TMTC1: variants seen among roughly 807,000 people sequenced by gnomAD.
TMTC1 encodes the protein protein O-mannosyl-transferase TMTC1.
In TMTC1, 73 loss-of-function variants were observed where a neutral mutation model predicts 104.8. The ratio of observed to expected loss-of-function variants is 0.70; its 90% confidence interval spans 0.58 to 0.85. The LOEUF is 0.85. TMTC1 is among the 40% of genes least tolerant of loss of function. TMTC1 has a pLI of 0.00. For missense variants in TMTC1, 1,035 were observed against 1,096.1 expected (o/e 0.94, Z 0.79); for synonymous variants, 434 against 428.7 (o/e 1.01, Z -0.15).
intron 9 of TMTC1, among the ~76,000 whole-genome samples, chr12:29,563,888 CAG>C (rs1278350796): frequency 6.6e-6 from 1 of 152,126 alleles, no homozygotes. Flanking sequence ...GGAGAGCAGA[CAG>C]AGCAGTAAAG....
chr12:29,599,337 A>G (rs1029528290), intron 7 of TMTC1, among the ~76,000 whole-genome samples: 1 of 152,214 alleles, frequency 6.6e-6, no homozygotes, highest in Non-Finnish European at 1.5e-5. Context: ...TGGCTTTGTC[A>G]CCAGAAGAAA....
At chr12:29,712,891 C>T (rs7980715) in intron 5 of TMTC1, among the ~76,000 whole-genome samples, 3,907 of 152,140 alleles carry the variant, frequency 0.026, 171 homozygotes, top group African/African-American at 0.088. Flanking sequence ...TTATCCATTG[C>T]GATAGTTAAT....
intron 5 of TMTC1, among the ~76,000 whole-genome samples, chr12:29,705,910 C>T (rs968553501): frequency 2.0e-5 from 3 of 151,946 alleles, no homozygotes; most frequent in Non-Finnish European, 2.9e-5. Flanking sequence ...TACATTATGT[C>T]TAATTCCCAA....
chr12:29,779,102 G>C (rs1398620898), intron 1 of TMTC1, among the ~76,000 whole-genome samples: 1 of 152,202 alleles, frequency 6.6e-6, no homozygotes. Flanking sequence ...ATGATTCCAA[G>C]TAGCTGAAAG....
intron 5 of TMTC1, chr12:29,640,568 G>A (rs761796480): frequency 1.3e-5 from 2 of 152,194 alleles, no homozygotes; most frequent in Non-Finnish European, 2.9e-5. Flanking sequence ...ACCTGGAGCT[G>A]AGTCAATTTG....
At chr12:29,578,085 A>G (rs1261962205) in intron 8 of TMTC1, among the ~76,000 whole-genome samples, 1 of 151,956 alleles carries the variant, frequency 6.6e-6, no homozygotes, top group Non-Finnish European at 1.5e-5. Flanking sequence ...AGTAATTCTA[A>G]TTTATGTCCC....
At chr12:29,689,260 G>GTT (rs35349904) in intron 5 of TMTC1, among the ~76,000 whole-genome samples, 6 of 146,762 alleles carry the variant, frequency 4.1e-5, no homozygotes, top group African/African-American at 1.5e-4. Flanking sequence ...TAAGCCACTG[G>GTT]TTTTTTTTTT....
At chr12:29,706,519 T>A (rs1941749194) in intron 5 of TMTC1, among the ~76,000 whole-genome samples, 1 of 152,112 alleles carries the variant, frequency 6.6e-6, no homozygotes, top group Non-Finnish European at 1.5e-5. Flanking sequence ...AGCATCAGGA[T>A]TCAGTCGGGA....
At chr12:29,675,046 T>A (rs779413158) in intron 5 of TMTC1, among the ~76,000 whole-genome samples, 1 of 152,238 alleles carries the variant, frequency 6.6e-6, no homozygotes, top group African/African-American at 2.4e-5. Flanking sequence ...CCGGACCATG[T>A]GCAAAGTAAC....
intron 7 of TMTC1, among the ~76,000 whole-genome samples, chr12:29,590,526 C>T (rs1226718557): frequency 2.0e-5 from 3 of 152,218 alleles, no homozygotes; most frequent in African/African-American, 7.2e-5. Context: ...GTGGCTCATG[C>T]CTGTAATCCC....
intron 5 of TMTC1, among the ~76,000 whole-genome samples, chr12:29,744,743 C>A (rs1023845060): frequency 2.6e-5 from 4 of 152,084 alleles, no homozygotes; most frequent in African/African-American, 9.7e-5. Flanking sequence ...ACTTTTCTGG[C>A]AAGTTCTATA....
At chr12:29,772,221 C>A (rs1255965932) in intron 1 of TMTC1, among the ~76,000 whole-genome samples, 1 of 152,128 alleles carries the variant, frequency 6.6e-6, no homozygotes, top group African/African-American at 2.4e-5. Flanking sequence ...GAAGACCTGA[C>A]AACTCTGGGC....
intron 1 of TMTC1, among the ~76,000 whole-genome samples, chr12:29,770,264 A>G (rs935097649): frequency 1.3e-5 from 2 of 152,218 alleles, no homozygotes; most frequent in East Asian, 3.8e-4. Flanking sequence ...GGTATTTAAC[A>G]TATATTCCTT....
intron 11 of TMTC1, among the ~76,000 whole-genome samples, chr12:29,532,191 T>C (rs1944524141): frequency 6.6e-6 from 1 of 152,210 alleles, no homozygotes; most frequent in African/African-American, 2.4e-5. Context: ...TTCTCTGTCA[T>C]TGGTCCATAT....
rs767876034 is a variant in TMTC1, at chr12:29,767,940, T to C, written c.438A>G (p.Val146=). The change falls in exon 2 of 18, where the codon GTA becomes GTG. Residue 146 remains valine, a synonymous_variant. Transcript: ENST00000539277. The stretch of plus-strand genomic sequence containing the variant: ...GATGTACAGCAAAAAGCAATGCCGT[T>C]ACAAAAGCAAGTCCACGATTCTTGA... ...TVFKNRGLAF[V]TALLFAVHPI... 8 of 1,613,798 alleles carry C rather than the reference T, an allele frequency of 5.0e-6. No homozygotes were observed. Among genetic ancestry groups the C allele is most frequent in the Non-Finnish European group, 5.9e-6 (7 of 1,179,900 alleles).
intron 5 of TMTC1, among the ~76,000 whole-genome samples, chr12:29,702,512 C>T (rs998198123): frequency 2.0e-5 from 3 of 152,210 alleles, no homozygotes; most frequent in Non-Finnish European, 4.4e-5. Flanking sequence ...TGTTGGCATC[C>T]TCAGAGAAAG....
At chr12:29,714,884 G>A (rs1320546105) in intron 5 of TMTC1, among the ~76,000 whole-genome samples, 1 of 152,194 alleles carries the variant, frequency 6.6e-6, no homozygotes, top group African/African-American at 2.4e-5. Context: ...GAACGAATCT[G>A]CCCAGAATCA....
chr12:29,633,157 G>T lies in TMTC1; in HGVS notation c.1118C>A (p.Ala373Glu). The change falls in exon 6 of 18, where the codon GCA becomes GAA. Residue 373 changes from alanine (A) to glutamate (E), a missense_variant. Transcript: ENST00000539277. ...TTTTGAGAAAATTACCTTAAAGGCT[G>T]CTAAGCAGTGCAGGCTCAATAAGGC... is the stretch of plus-strand genomic sequence containing the variant. ...VMALLSLHCL[A>E]AFKRLEHKEV... 1.9e-6 allele frequency: 3 copies of T among 1,612,412 alleles called. No homozygotes were observed. Among genetic ancestry groups the T allele is most frequent in the Middle Eastern group, 1.7e-4 (1 of 6,028 alleles).
At chr12:29,586,416 A>G (rs928855146) in intron 7 of TMTC1, among the ~76,000 whole-genome samples, 3 of 152,164 alleles carry the variant, frequency 2.0e-5, no homozygotes, top group Non-Finnish European at 4.4e-5. Flanking sequence ...TCCTAATTGA[A>G]TATCTTTTAT....
Sources: allele counts gnomAD v4.1 joint callset (sites outside exome capture counted in the v4.1 genomes callset), GRCh38; gene constraint gnomAD v4.1.1; transcripts MANE v1.5; gene names NCBI Gene and HGNC (gene_info 2026-07-23, HGNC 2026-07-21).